LRP1B: variants seen among roughly 807,000 people sequenced by gnomAD.
LRP1B encodes low-density lipoprotein receptor-related protein 1B.
LRP1B carries 217 observed loss-of-function variants against 556.6 expected under a neutral mutation model. The ratio of observed to expected loss-of-function variants is 0.39; its 90% confidence interval spans 0.35 to 0.44. The LOEUF is 0.44. LRP1B is among the 20% of genes least tolerant of loss of function. LRP1B has a pLI of 1.00. For missense variants in LRP1B, 5,053 were observed against 5,620.8 expected, an observed-to-expected ratio of 0.90 and a Z score of 3.23; for synonymous variants, 2,047 against 1,865.8, an observed-to-expected ratio of 1.10 and a Z score of -2.50.
At chr2:140,722,222 ATTAT>A (rs1350213944) in intron 35 of LRP1B, among the ~76,000 whole-genome samples, 3 of 152,290 alleles carry the variant, frequency 2.0e-5, no homozygotes, top group East Asian at 1.9e-4. Context: ...AATGCCACAA[ATTAT>A]TTATCCATTT....
intron 2 of LRP1B, among the ~76,000 whole-genome samples, chr2:141,620,114 A>C (rs1278281273): frequency 6.6e-6 from 1 of 152,166 alleles, no homozygotes; most frequent in Non-Finnish European, 1.5e-5. Context: ...CACCATGCCC[A>C]GCTATTTAAA....
At chr2:142,105,981 G>A (rs1706733001) in intron 1 of LRP1B, among the ~76,000 whole-genome samples, 1 of 151,926 alleles carries the variant, frequency 6.6e-6, no homozygotes, top group South Asian at 2.1e-4. Context: ...TTTTCTTACG[G>A]CATTTAACAC....
intron 2 of LRP1B, among the ~76,000 whole-genome samples, chr2:141,522,548 G>C (rs1241704941): frequency 6.6e-6 from 1 of 152,144 alleles, no homozygotes. Context: ...TATTTTACTT[G>C]TCTCTTCAGT....
At chr2:140,840,321 TTTTCCTCCTACATACAAG>T (rs1244582582) in intron 30 of LRP1B, among the ~76,000 whole-genome samples, 4 of 152,154 alleles carry the variant, frequency 2.6e-5, no homozygotes, top group Non-Finnish European at 4.4e-5. Context: ...CTCACTTCCT[TTTTCCTCCTACATACAAG>T]ACTGAATATT....
intron 18 of LRP1B, among the ~76,000 whole-genome samples, chr2:140,962,297 T>A (rs111873355): frequency 0.023 from 3,570 of 152,158 alleles, 66 homozygotes; most frequent in South Asian, 0.035. Flanking sequence ...ACAACCACTA[T>A]CCCCCATGCA....
chr2:141,925,429 C>G (rs929044921), intron 1 of LRP1B, among the ~76,000 whole-genome samples: 3 of 152,114 alleles, frequency 2.0e-5, no homozygotes, highest in African/African-American at 7.2e-5. Flanking sequence ...TCTAGACTGA[C>G]GATGGGGTTA....
intron 7 of LRP1B, among the ~76,000 whole-genome samples, chr2:141,140,613 G>C (rs1457587025): frequency 6.6e-6 from 1 of 152,078 alleles, no homozygotes; most frequent in Non-Finnish European, 1.5e-5. Flanking sequence ...GCTATGTGAG[G>C]ACACAGCAAG....
At chr2:140,273,942 C>G (rs767123629) in intron 85 of LRP1B, among the ~76,000 whole-genome samples, 2 of 151,954 alleles carry the variant, frequency 1.3e-5, no homozygotes, top group African/African-American at 2.4e-5. Flanking sequence ...TTGCTTTGAT[C>G]ATAATGTTCA....
chr2:140,709,325 T>C (rs555805719), intron 37 of LRP1B, among the ~76,000 whole-genome samples: 2 of 152,196 alleles, frequency 1.3e-5, no homozygotes, highest in Non-Finnish European at 2.9e-5. Flanking sequence ...TTTTCATTGT[T>C]AGTATTAAAT....
intron 1 of LRP1B, among the ~76,000 whole-genome samples, chr2:142,128,666 G>A (rs879502877): frequency 2.0e-5 from 3 of 152,038 alleles, no homozygotes; most frequent in Non-Finnish European, 4.4e-5. Context: ...CAAAGTGCTG[G>A]TCTACAATTA....
chr2:141,148,435 G>A (rs2105075599), intron 7 of LRP1B, among the ~76,000 whole-genome samples: 1 of 152,244 alleles, frequency 6.6e-6, no homozygotes, highest in African/African-American at 2.4e-5. Context: ...TTTGTTGGTG[G>A]AAAGCAGCCC....
At chr2:140,561,234 C>T (rs568408626) in intron 43 of LRP1B, among the ~76,000 whole-genome samples, 1 of 152,236 alleles carries the variant, frequency 6.6e-6, no homozygotes, top group South Asian at 2.1e-4. Flanking sequence ...ATTTTCTATC[C>T]TACCCTTGTA....
chr2:141,400,522 C>T (rs1690411994), intron 3 of LRP1B, among the ~76,000 whole-genome samples: 1 of 152,114 alleles, frequency 6.6e-6, no homozygotes, highest in Non-Finnish European at 1.5e-5. Flanking sequence ...AAAAATTCTC[C>T]ATAGTTTTAG....
chr2:141,469,916 C>T (rs4131524), intron 3 of LRP1B, among the ~76,000 whole-genome samples: 104,265 of 152,042 alleles, frequency 0.69, 37,185 homozygotes, highest in East Asian at 0.84. Context: ...AAAGAGACCA[C>T]GTTTATAAAA....
At chr2:141,295,334 G>A (rs1330698021) in intron 3 of LRP1B, among the ~76,000 whole-genome samples, 1 of 151,912 alleles carries the variant, frequency 6.6e-6, no homozygotes, top group African/African-American at 2.4e-5. Flanking sequence ...AGATACTTTT[G>A]TTTTCATGTT....
At chr2:141,221,848 A>C (rs1683055479) in intron 6 of LRP1B, among the ~76,000 whole-genome samples, 2 of 152,252 alleles carry the variant, frequency 1.3e-5, no homozygotes, top group African/African-American at 4.8e-5. Flanking sequence ...AATGAAATTA[A>C]GGCAGAAATC....
At chr2:140,380,599 G>A (rs562436144) in intron 67 of LRP1B, among the ~76,000 whole-genome samples, 10 of 152,140 alleles carry the variant, frequency 6.6e-5, no homozygotes, top group South Asian at 4.2e-4. Flanking sequence ...AAAACATGTC[G>A]TGCTTACATG....
At chr2:142,109,795 A>G (rs1706892529) in intron 1 of LRP1B, among the ~76,000 whole-genome samples, 1 of 152,174 alleles carries the variant, frequency 6.6e-6, no homozygotes, top group African/African-American at 2.4e-5. Flanking sequence ...CAAAAGTAAT[A>G]AAACATGTTG....
Position 140,247,120 on chromosome 2 carries a change from G to T in LRP1B, c.13290C>A (p.Ala4430=), listed in dbSNP as rs763569928. ...NWSGTQCERP[A]PKSSKSDHIS... is the part of the protein sequence containing the mutation. ...TATGATCAGACTTGCTGCTCTTTGGGGCTGGCCTTTCACACTGTGTGCCTG... is the reference window on the plus strand; with the variant it reads ...TATGATCAGACTTGCTGCTCTTTGGTGCTGGCCTTTCACACTGTGTGCCTG... The change falls in exon 87 of 91, where the codon GCC becomes GCA. Residue 4430 remains alanine, a synonymous_variant. Transcript: ENST00000389484. 1 of 1,609,440 alleles carries T rather than the reference G, an allele frequency of 6.2e-7. No individual in the cohort carries two copies. Among genetic ancestry groups the T allele is most frequent in the Admixed American group, 1.7e-5 (1 of 59,684 alleles).
Sources: gnomAD v4.1 joint callset for allele counts (sites outside exome capture counted in the v4.1 genomes callset) on GRCh38, gnomAD v4.1.1 for gene constraint, MANE v1.5 for transcripts, NCBI Gene and HGNC (gene_info 2026-07-23, HGNC 2026-07-21) for gene names.